Variants in PDLIM5 observed in about 807,000 individuals in gnomAD.
The protein encoded by PDLIM5 is PDZ and LIM domain 5.
Under a neutral mutation model 64.2 loss-of-function variants are expected in PDLIM5, and 34 were observed. The observed-to-expected ratio is 0.53, with a 90% CI of 0.40 to 0.71. The LOEUF is 0.71. Among genes scored for constraint, PDLIM5 ranks in the 30% least tolerant of loss-of-function variants. The pLI, the probability that PDLIM5 is intolerant of heterozygous loss-of-function variation, is 0.00. For synonymous variants in PDLIM5, 253 were observed against 269.1 expected, an observed-to-expected ratio of 0.94 and a Z score of 0.59; for missense variants, 683 against 733.6, an observed-to-expected ratio of 0.93 and a Z score of 0.80.
intron 2 of PDLIM5, chr4:94,455,622 G>A (rs1049844322): frequency 4.5e-6 from 3 of 665,914 alleles, no homozygotes; most frequent in Non-Finnish European, 7.5e-6. Context: ...AATGGAAAAA[G>A]CATTTAACTA....
intron 5 of PDLIM5, 147 bp downstream of exon 5, chr4:94,576,181 T>C (rs1049038481): frequency 3.1e-6 from 2 of 645,494 alleles, no homozygotes; most frequent in Non-Finnish European, 5.4e-6. Flanking sequence ...ATATGGCCTT[T>C]ATATACATAG....
intron 2 of PDLIM5, among the ~76,000 whole-genome samples, chr4:94,459,688 T>G (rs1723699656): frequency 6.6e-6 from 1 of 152,228 alleles, no homozygotes; most frequent in Non-Finnish European, 1.5e-5. Flanking sequence ...AAGTCAATAT[T>G]CTATGAAATG....
At chr4:94,463,616 G>A (rs1181555022) in intron 2 of PDLIM5, among the ~76,000 whole-genome samples, 1 of 152,134 alleles carries the variant, frequency 6.6e-6, no homozygotes, top group Non-Finnish European at 1.5e-5. Context: ...GGTGGAGGTG[G>A]AAGGGAAGCA....
chr4:94,562,897 C>G (rs1733967032), intron 3 of PDLIM5, among the ~76,000 whole-genome samples: 1 of 151,948 alleles, frequency 6.6e-6, no homozygotes, highest in East Asian at 1.9e-4. Context: ...TTCTATGGTT[C>G]CCTTGTTAGA....
chr4:94,608,300 C>A (rs1333457232), intron 7 of PDLIM5: 3 of 502,826 alleles, frequency 6.0e-6, no homozygotes, highest in African/African-American at 5.9e-5. Context: ...AACCTATAGA[C>A]AAGAAAGCTT....
intron 5 of PDLIM5, among the ~76,000 whole-genome samples, 185 bp from the exon 6 acceptor site, chr4:94,585,380 G>A (rs12640669): frequency 0.26 from 39,881 of 152,012 alleles, 6,355 homozygotes; most frequent in South Asian, 0.55. Flanking sequence ...GTGAGCCACC[G>A]TGCCCCGCCT....
chr4:94,662,681 G>A, intron 12 of PDLIM5, 144 bp downstream of exon 12: 2 of 458,364 alleles, frequency 4.4e-6, no homozygotes, highest in East Asian at 3.3e-5. Context: ...AATTTCGAAA[G>A]TTGTTTATTA....
At position 94,665,948 on chromosome 4, in the gene PDLIM5, A is replaced by G; in HGVS notation, c.*1881A>G. ...GAGACAGGGAAACAATTGTGGTAAAACTGTGGATCCTGTTGCTATTTGCCC... is the reference window on the plus strand; with the variant it reads ...GAGACAGGGAAACAATTGTGGTAAAGCTGTGGATCCTGTTGCTATTTGCCC... On this transcript the variant is annotated 3_prime_UTR_variant, in exon 13 of 13. Transcript: ENST00000317968. 1 of 1,521,176 alleles carries G rather than the reference A, an allele frequency of 6.6e-7. No homozygotes were observed. Among genetic ancestry groups the G allele is most frequent in the Non-Finnish European group, 8.8e-7 (1 of 1,140,446 alleles). The allele number at this position is 1,521,176 out of a possible 1,614,324, so 94.2% of individuals were successfully genotyped here.
At chr4:94,604,782 A>G (rs541605794) in intron 7 of PDLIM5, among the ~76,000 whole-genome samples, 11 of 152,372 alleles carry the variant, frequency 7.2e-5, no homozygotes, top group African/African-American at 2.2e-4. Flanking sequence ...CTCTTCCACA[A>G]TAATGTGAAC....
At chr4:94,577,746 A>C (rs548154340) in intron 5 of PDLIM5, among the ~76,000 whole-genome samples, 2 of 152,128 alleles carry the variant, frequency 1.3e-5, no homozygotes, top group African/African-American at 4.8e-5. Flanking sequence ...TTCAGTAGAA[A>C]AACATCCATT....
At chr4:94,616,441 C>T (rs1246938071) in intron 7 of PDLIM5, among the ~76,000 whole-genome samples, 1 of 152,066 alleles carries the variant, frequency 6.6e-6, no homozygotes, top group African/African-American at 2.4e-5. Flanking sequence ...CAAAATGTTA[C>T]TCGGTACACT....
intron 8 of PDLIM5, among the ~76,000 whole-genome samples, chr4:94,638,049 C>T (rs1740709545): frequency 6.6e-6 from 1 of 152,166 alleles, no homozygotes; most frequent in South Asian, 2.1e-4. Context: ...AGAATTCTAG[C>T]ATCTAGGCGT....
At chr4:94,629,844 G>A (rs537449938) in intron 8 of PDLIM5, among the ~76,000 whole-genome samples, 12 of 152,138 alleles carry the variant, frequency 7.9e-5, no homozygotes, top group African/African-American at 2.2e-4. Context: ...TTGCACAATC[G>A]TCTCCAGAAT....
intron 2 of PDLIM5, among the ~76,000 whole-genome samples, chr4:94,488,544 C>G (rs1039485349): frequency 4.6e-5 from 7 of 152,132 alleles, no homozygotes; most frequent in African/African-American, 1.7e-4. Flanking sequence ...CTAAACCATA[C>G]CTTTGTGTTT....
chr4:94,594,468 T>A (rs1736910383), intron 7 of PDLIM5, among the ~76,000 whole-genome samples: 1 of 152,044 alleles, frequency 6.6e-6, no homozygotes, highest in Non-Finnish European at 1.5e-5. Flanking sequence ...CAACATTGAT[T>A]TAAAAGAGGC....
chr4:94,508,318 AAAAT>A (rs921843663), intron 2 of PDLIM5, among the ~76,000 whole-genome samples: 3 of 152,182 alleles, frequency 2.0e-5, no homozygotes, highest in African/African-American at 4.8e-5. Flanking sequence ...TATTGGGCAA[AAAAT>A]AAATAAATAA....
intron 3 of PDLIM5, among the ~76,000 whole-genome samples, chr4:94,568,989 C>CT (rs992735944): frequency 2.0e-5 from 3 of 151,960 alleles, no homozygotes; most frequent in African/African-American, 4.8e-5. Context: ...TTTTGGACTT[C>CT]TTTTTTTTGG....
chr4:94,646,583 C>T (rs554063435), intron 9 of PDLIM5, among the ~76,000 whole-genome samples: 6 of 152,092 alleles, frequency 3.9e-5, no homozygotes, highest in Admixed American at 1.3e-4. Flanking sequence ...TATGGTAAGT[C>T]GAACAGAGAT....
Position 94,652,079 on chromosome 4 carries a change from A to G in PDLIM5, c.1284-2381A>G, listed in dbSNP as rs907773721. Among the ~76,000 whole-genome samples, 5 of 152,292 alleles carry G rather than the reference A, an allele frequency of 3.3e-5. No homozygotes were observed. In the East Asian group the frequency reaches 9.6e-4, roughly 29 times the overall value. On this transcript the variant is annotated intron_variant, in intron 9 of 12. Coordinates refer to ENST00000317968, the MANE Select transcript of PDLIM5 (RefSeq NM_006457.5). ...CTTAAATGTCTTTTTTTCTTCTCAG[A>G]TGAACTTTGTCAAATATTTGATAGC...
Sources: allele counts gnomAD v4.1 joint callset (sites outside exome capture counted in the v4.1 genomes callset), GRCh38; gene constraint gnomAD v4.1.1; transcripts MANE v1.5; gene names NCBI Gene and HGNC (gene_info 2026-07-23, HGNC 2026-07-21).